MECOM: variants seen among roughly 807,000 people sequenced by gnomAD.
MECOM encodes the protein histone-lysine N-methyltransferase MECOM.
MECOM carries 13 observed loss-of-function variants against 116.3 expected under a neutral mutation model. That is an observed-to-expected ratio of 0.11 (90% CI 0.07 to 0.18). MECOM has a LOEUF of 0.18. Ranked by LOEUF, MECOM falls within the 10% of genes least tolerant of loss-of-function variation. MECOM has a pLI of 1.00. For missense variants in MECOM, 1,299 were observed against 1,509.0 expected (o/e 0.86, Z 2.31); for synonymous variants, 528 against 535.2 (o/e 0.99, Z 0.19).
intron 1 of MECOM, among the ~76,000 whole-genome samples, chr3:169,627,929 A>G (rs1771581716): frequency 6.6e-6 from 1 of 152,246 alleles, no homozygotes; most frequent in South Asian, 2.1e-4. Context: ...TGCTGTGGTC[A>G]GATCACAGGT....
In MECOM at chr3:169,490,109, T is replaced by C. The variant is rs573745879; in HGVS notation, c.38-108585A>G. ...ATAAACATGAAAATATGATCAACTT[T>C]ATTAGTAAAGAGAGAAAGTCAAATG... is the stretch of plus-strand genomic sequence containing the variant. On this transcript the variant is annotated intron_variant, in intron 1 of 16. Transcript: ENST00000651503. 4.0e-4 allele frequency among the ~76,000 whole-genome samples: 61 copies of C among 152,330 alleles called. 1 individual carries two copies. Among genetic ancestry groups the C allele is most frequent in the African/African-American group, 1.4e-3 (57 of 41,594 alleles).
chr3:169,384,430 C>G (rs1732965197), intron 1 of MECOM, among the ~76,000 whole-genome samples: 1 of 152,114 alleles, frequency 6.6e-6, no homozygotes, highest in Non-Finnish European at 1.5e-5. Context: ...CAAAATCCAT[C>G]TAATTTTATC....
chr3:169,588,809 G>A (rs954947769), intron 1 of MECOM, among the ~76,000 whole-genome samples: 1 of 151,990 alleles, frequency 6.6e-6, no homozygotes, highest in Non-Finnish European at 1.5e-5. Flanking sequence ...GGCAAGCAAG[G>A]ATTTAACTCA....
At chr3:169,472,617 GAAAAGAAAAGAAAAGA>G (rs1749660873) in intron 1 of MECOM, among the ~76,000 whole-genome samples, 2 of 61,622 alleles carry the variant, frequency 3.2e-5, no homozygotes, top group African/African-American at 2.3e-4. Flanking sequence ...GGAAAGGAAA[GAAAAGAAAAGAAAAGA>G]AAAGGAAAGG....
At chr3:169,327,455 T>C (rs1303239562) in intron 2 of MECOM, among the ~76,000 whole-genome samples, 1 of 151,528 alleles carries the variant, frequency 6.6e-6, no homozygotes, top group Non-Finnish European at 1.5e-5. Context: ...CTGGCCAACA[T>C]AGAGAAACCC....
chr3:169,642,458 A>G (rs554957007), intron 1 of MECOM, among the ~76,000 whole-genome samples: 2 of 151,828 alleles, frequency 1.3e-5, no homozygotes, highest in South Asian at 2.1e-4. Context: ...AAAAAAAAAA[A>G]AAAAGAAAAG....
intron 2 of MECOM, among the ~76,000 whole-genome samples, chr3:169,258,700 A>T (rs1202384846): frequency 2.0e-5 from 3 of 152,190 alleles, no homozygotes; most frequent in African/African-American, 7.2e-5. Context: ...CTCATCCCAA[A>T]TTTCTGTGAA....
rs71300479 is a variant in MECOM, at chr3:169,276,997, T to TACACACAC, written c.375+104182_375+104189dup. Among the ~76,000 whole-genome samples the TACACACAC allele has an allele frequency of 0.012, 1,765 of 144,484 alleles. 64 individuals are homozygous for TACACACAC. The East Asian group carries it at 0.14, about 12-fold the overall frequency. 94.8% of individuals were successfully genotyped at this position (144,484 alleles called of 152,430 possible). On this transcript the variant is annotated intron_variant, in intron 2 of 16. Coordinates refer to ENST00000651503, the MANE Select transcript of MECOM (RefSeq NM_004991.4). ...ACATACAACATGAGCTAATTTATGTTACACACACACACACACACACACACA... is the reference window on the plus strand; with the variant it reads ...ACATACAACATGAGCTAATTTATGTTACACACACACACACACACACACACACACACACA...
At chr3:169,376,552 C>T (rs1413417107) in intron 2 of MECOM, among the ~76,000 whole-genome samples, 3 of 152,016 alleles carry the variant, frequency 2.0e-5, no homozygotes, top group African/African-American at 7.3e-5. Flanking sequence ...AACAGAGAGC[C>T]AAATCATGAG....
chr3:169,566,670 C>G (rs1763282650), intron 1 of MECOM, among the ~76,000 whole-genome samples: 1 of 152,148 alleles, frequency 6.6e-6, no homozygotes, highest in South Asian at 2.1e-4. Flanking sequence ...TCCCTGCAGC[C>G]AGCCCACAGA....
chr3:169,257,655 C>A (rs1233424383), intron 2 of MECOM, among the ~76,000 whole-genome samples: 2 of 152,154 alleles, frequency 1.3e-5, no homozygotes, highest in Non-Finnish European at 2.9e-5. Context: ...CCAAGGAGGG[C>A]AAAAGTGATT....
At chr3:169,136,581 A>G (rs967540810) in intron 3 of MECOM, among the ~76,000 whole-genome samples, 5 of 152,054 alleles carry the variant, frequency 3.3e-5, no homozygotes, top group African/African-American at 1.2e-4. Context: ...AAAGACTTTC[A>G]GTCTAACTCT....
At chr3:169,397,917 C>G (rs1735267937) in intron 1 of MECOM, among the ~76,000 whole-genome samples, 1 of 152,154 alleles carries the variant, frequency 6.6e-6, no homozygotes, top group Non-Finnish European at 1.5e-5. Context: ...AGTTGCTAAC[C>G]TAACATTCCA....
At chr3:169,133,109 A>T (rs987382468) in intron 3 of MECOM, among the ~76,000 whole-genome samples, 2 of 134,884 alleles carry the variant, frequency 1.5e-5, no homozygotes, top group Non-Finnish European at 3.0e-5. Flanking sequence ...AGCAAAACAC[A>T]TACACACACA....
At chr3:169,143,934 G>C (rs1738914961) in intron 2 of MECOM, 102 bp from the exon 3 acceptor site, 1 of 1,318,758 alleles carries the variant, frequency 7.6e-7, no homozygotes, top group East Asian at 2.7e-5. Flanking sequence ...TTCCTTCTTT[G>C]GATCCTTAAA....
At chr3:169,653,392 G>A (rs768052622) in intron 1 of MECOM, among the ~76,000 whole-genome samples, 24 of 152,076 alleles carry the variant, frequency 1.6e-4, no homozygotes, top group Non-Finnish European at 3.2e-4. Context: ...ATGAAGACAA[G>A]CAATTTATAA....
chr3:169,083,948 C>G lies in MECOM; in HGVS notation c.*961G>C. 1 of 227,568 alleles carries G rather than the reference C, an allele frequency of 4.4e-6. No individual in the cohort carries two copies. The highest frequency in any genetic ancestry group is 8.7e-6 in the Non-Finnish European group (1 of 114,470). The allele number at this position is 227,568 out of a possible 1,614,324, so 14.1% of individuals were successfully genotyped here. A position where few individuals can be genotyped will look rare whatever the true frequency, so the allele number is the denominator to read the frequency against. The stretch of plus-strand genomic sequence containing the variant: ...TAAGAAGGAAAACAAAACAAACAAA[C>G]AAAAAGGAATGTTAAGAAAAGCCAA... On this transcript the variant is annotated 3_prime_UTR_variant, in exon 17 of 17. Transcript: ENST00000651503.
intron 1 of MECOM, among the ~76,000 whole-genome samples, chr3:169,393,898 T>G (rs893732746): frequency 5.9e-5 from 9 of 152,282 alleles, no homozygotes; most frequent in Middle Eastern, 3.4e-3. Flanking sequence ...TCTAAACACC[T>G]AAAATTCTTA....
chr3:169,389,082 A>G (rs969440599), intron 1 of MECOM, among the ~76,000 whole-genome samples: 2 of 152,180 alleles, frequency 1.3e-5, no homozygotes, highest in Non-Finnish European at 2.9e-5. Context: ...GTGGCTTTTA[A>G]ATCTGGTTAA....
Sources: allele counts gnomAD v4.1 joint callset (sites outside exome capture counted in the v4.1 genomes callset), GRCh38; gene constraint gnomAD v4.1.1; transcripts MANE v1.5; gene names NCBI Gene and HGNC (gene_info 2026-07-23, HGNC 2026-07-21).